Variants in PLCL1 observed in about 807,000 individuals in gnomAD.
PLCL1 encodes phospholipase C like 1 (inactive).
Under a neutral mutation model 84.4 loss-of-function variants are expected in PLCL1, and 41 were observed. That is an observed-to-expected ratio of 0.49 (90% CI 0.38 to 0.63). The LOEUF is 0.63. Among genes scored for constraint, PLCL1 ranks in the 30% least tolerant of loss-of-function variants. PLCL1 has a pLI of 0.00. For missense variants in PLCL1, 1,206 were observed against 1,367.8 expected, an observed-to-expected ratio of 0.88 and a Z score of 1.87; for synonymous variants, 490 against 488.3, an observed-to-expected ratio of 1.00 and a Z score of -0.05.
At chr2:197,855,263 C>T (rs1687309071) in intron 1 of PLCL1, among the ~76,000 whole-genome samples, 1 of 152,124 alleles carries the variant, frequency 6.6e-6, no homozygotes, top group Admixed American at 6.6e-5. Flanking sequence ...AAGTAAATCC[C>T]ACTCTTCATT....
intron 1 of PLCL1, among the ~76,000 whole-genome samples, chr2:197,997,520 G>T (rs1430354632): frequency 2.0e-5 from 3 of 152,178 alleles, no homozygotes; most frequent in African/African-American, 7.2e-5. Flanking sequence ...TGTTCATCGA[G>T]CTGGTCCCCA....
chr2:197,872,249 G>T (rs1026642212), intron 1 of PLCL1, among the ~76,000 whole-genome samples: 9 of 152,048 alleles, frequency 5.9e-5, no homozygotes, highest in Non-Finnish European at 1.0e-4. Context: ...CCTGTTCCAT[G>T]CAAGCAGAGG....
chr2:198,029,688 C>T (rs548958874), intron 1 of PLCL1, among the ~76,000 whole-genome samples: 2 of 143,962 alleles, frequency 1.4e-5, no homozygotes, highest in South Asian at 4.3e-4. Context: ...CTTCTCTTCT[C>T]TCCTCTTCTC....
chr2:197,969,333 T>C (rs1197580609), intron 1 of PLCL1, among the ~76,000 whole-genome samples: 1 of 152,202 alleles, frequency 6.6e-6, no homozygotes, highest in Non-Finnish European at 1.5e-5. Context: ...ATAGTGGCAA[T>C]ATGTCCTCTA....
At chr2:197,839,464 A>G (rs1686936963) in intron 1 of PLCL1, among the ~76,000 whole-genome samples, 1 of 152,214 alleles carries the variant, frequency 6.6e-6, no homozygotes. Context: ...GCAGTTCACA[A>G]TAAGATTCGA....
intron 5 of PLCL1, among the ~76,000 whole-genome samples, chr2:198,105,599 C>T: frequency 1.4e-5 from 1 of 71,066 alleles, no homozygotes; most frequent in African/African-American, 4.9e-5. Flanking sequence ...ATTAATTTGC[C>T]TGGTGTGTGT....
At chr2:197,915,030 G>T (rs1047701969) in intron 1 of PLCL1, among the ~76,000 whole-genome samples, 3 of 152,164 alleles carry the variant, frequency 2.0e-5, no homozygotes, top group Non-Finnish European at 4.4e-5. Flanking sequence ...AACGTTGTCA[G>T]GGACATGGAG....
intron 5 of PLCL1, among the ~76,000 whole-genome samples, chr2:198,121,632 T>C (rs934941403): frequency 2.0e-5 from 3 of 150,558 alleles, no homozygotes; most frequent in Non-Finnish European, 4.4e-5. Context: ...GTAGATTTGT[T>C]TCTGGGTTCT....
intron 1 of PLCL1, among the ~76,000 whole-genome samples, chr2:197,808,920 G>A (rs559577830): frequency 6.6e-6 from 1 of 152,264 alleles, no homozygotes; most frequent in East Asian, 1.9e-4. Flanking sequence ...TGGATCTCAT[G>A]GACATGGGTG....
At chr2:197,953,838 C>T (rs574197455) in intron 1 of PLCL1, among the ~76,000 whole-genome samples, 5 of 150,346 alleles carry the variant, frequency 3.3e-5, no homozygotes, top group African/African-American at 9.7e-5. Flanking sequence ...AACAGTTCTT[C>T]GTGTATTCCA....
chr2:197,939,294 A>T (rs1000686594), intron 1 of PLCL1, among the ~76,000 whole-genome samples: 2 of 152,150 alleles, frequency 1.3e-5, no homozygotes, highest in Non-Finnish European at 1.5e-5. Context: ...CTGAATGCAC[A>T]TTAGAATGAC....
At chr2:197,964,942 G>A (rs1487110140) in intron 1 of PLCL1, among the ~76,000 whole-genome samples, 1 of 152,104 alleles carries the variant, frequency 6.6e-6, no homozygotes, top group African/African-American at 2.4e-5. Context: ...ACTTGGTCAT[G>A]ATGAATGATT....
At chr2:198,064,531 T>C (rs1266712159) in intron 1 of PLCL1, among the ~76,000 whole-genome samples, 2 of 152,296 alleles carry the variant, frequency 1.3e-5, no homozygotes, top group African/African-American at 4.8e-5. Context: ...AAATGTTCAC[T>C]TTATAATCTA....
intron 1 of PLCL1, among the ~76,000 whole-genome samples, chr2:197,897,677 G>T (rs1393914981): frequency 1.3e-5 from 2 of 152,112 alleles, no homozygotes; most frequent in Non-Finnish European, 2.9e-5. Context: ...AAAACATAAA[G>T]ATTGCTGGTT....
intron 1 of PLCL1, among the ~76,000 whole-genome samples, chr2:197,881,744 A>C (rs1007208216): frequency 6.6e-6 from 1 of 152,008 alleles, no homozygotes; most frequent in East Asian, 1.9e-4. Context: ...GTTTTAAAAA[A>C]CTTTTTATTA....
At chr2:198,097,632 G>GA (rs926075755) in intron 3 of PLCL1, among the ~76,000 whole-genome samples, 3 of 151,952 alleles carry the variant, frequency 2.0e-5, no homozygotes, top group Non-Finnish European at 4.4e-5. Flanking sequence ...AACAACAAGA[G>GA]AAAAAAAATG....
intron 1 of PLCL1, among the ~76,000 whole-genome samples, chr2:197,893,560 G>A (rs998150660): frequency 1.3e-5 from 2 of 152,176 alleles, no homozygotes; most frequent in African/African-American, 4.8e-5. Flanking sequence ...CATTACAAAT[G>A]TGACTTTACA....
chr2:198,043,703 G>A (rs866001965), intron 1 of PLCL1, among the ~76,000 whole-genome samples: 3 of 152,098 alleles, frequency 2.0e-5, no homozygotes, highest in African/African-American at 7.2e-5. Flanking sequence ...AGAGGTTAAA[G>A]TCCAAGTGCA....
At chr2:197,886,517 A>G (rs895194897) in intron 1 of PLCL1, among the ~76,000 whole-genome samples, 1 of 149,976 alleles carries the variant, frequency 6.7e-6, no homozygotes, top group African/African-American at 2.4e-5. Context: ...AACCTAGTGC[A>G]TCTCCCTGGA....
Sources: allele counts gnomAD v4.1 joint callset (sites outside exome capture counted in the v4.1 genomes callset), GRCh38; gene constraint gnomAD v4.1.1; transcripts MANE v1.5; gene names NCBI Gene and HGNC (gene_info 2026-07-23, HGNC 2026-07-21).